Variants in CAMKMT observed in about 807,000 individuals in gnomAD.
CAMKMT encodes calmodulin-lysine N-methyltransferase.
CAMKMT carries 53 observed loss-of-function variants against 48.0 expected under a neutral mutation model. The observed-to-expected ratio is 1.10, with a 90% confidence interval of 0.89 to 1.39. CAMKMT has a LOEUF of 1.39. Among genes scored for constraint, CAMKMT ranks in the 40% most tolerant of loss-of-function variants. The pLI, the probability that CAMKMT is intolerant of heterozygous loss-of-function variation, is 0.00. For synonymous variants in CAMKMT, 165 were observed against 152.3 expected, an observed-to-expected ratio of 1.08 and a Z score of -0.61; for missense variants, 428 against 402.7, an observed-to-expected ratio of 1.06 and a Z score of -0.54.
chr2:44,720,488 T>C (rs942826649), intron 7 of CAMKMT, among the ~76,000 whole-genome samples: 1 of 152,184 alleles, frequency 6.6e-6, no homozygotes, highest in African/African-American at 2.4e-5. Context: ...AATAAAAATA[T>C]TTTTATTTTC....
intron 3 of CAMKMT, among the ~76,000 whole-genome samples, chr2:44,394,198 T>C (rs1032916160): frequency 3.3e-5 from 5 of 152,186 alleles, no homozygotes; most frequent in Non-Finnish European, 7.3e-5. Context: ...AATATCATTG[T>C]GAAGCAGGAT....
At chr2:44,731,847 C>T (rs1290360086) in intron 7 of CAMKMT, among the ~76,000 whole-genome samples, 1 of 152,200 alleles carries the variant, frequency 6.6e-6, no homozygotes, top group Non-Finnish European at 1.5e-5. Context: ...CACTGCCTTG[C>T]GTTTGAACTC....
intron 3 of CAMKMT, among the ~76,000 whole-genome samples, chr2:44,492,899 T>TC (rs1449395090): frequency 6.6e-6 from 1 of 151,126 alleles, no homozygotes; most frequent in African/African-American, 2.4e-5. Flanking sequence ...CTTTTTTTTT[T>TC]TTTTCTTTTT....
chr2:44,529,051 G>A (rs1199700159), intron 3 of CAMKMT, among the ~76,000 whole-genome samples: 3 of 152,098 alleles, frequency 2.0e-5, no homozygotes, highest in Non-Finnish European at 2.9e-5. Context: ...TCTATAAAGA[G>A]AAACTTATCA....
chr2:44,756,541 A>G (rs113495142), intron 9 of CAMKMT, among the ~76,000 whole-genome samples: 13,950 of 151,970 alleles, frequency 0.092, 756 homozygotes, highest in Non-Finnish European at 0.12. Context: ...GGAGATCGAG[A>G]CCATCCTGGC....
At chr2:44,486,844 A>G (rs1669240872) in intron 3 of CAMKMT, among the ~76,000 whole-genome samples, 1 of 152,188 alleles carries the variant, frequency 6.6e-6, no homozygotes, top group Middle Eastern at 3.2e-3. Context: ...CCTGAGAGAC[A>G]TTGTCTGTGT....
intron 3 of CAMKMT, among the ~76,000 whole-genome samples, chr2:44,552,451 C>T (rs1284136639): frequency 6.6e-6 from 1 of 152,068 alleles, no homozygotes; most frequent in African/African-American, 2.4e-5. Context: ...GAAGATTTTA[C>T]TTGGTGATCT....
intron 9 of CAMKMT, among the ~76,000 whole-genome samples, chr2:44,757,607 A>G (rs1680435829): frequency 6.9e-6 from 1 of 145,876 alleles, no homozygotes; most frequent in African/African-American, 2.6e-5. Context: ...TCTGTCACCC[A>G]GGCTGGAGTG....
chr2:44,616,791 A>T (rs928259320), intron 3 of CAMKMT, among the ~76,000 whole-genome samples: 2 of 152,234 alleles, frequency 1.3e-5, no homozygotes, highest in African/African-American at 2.4e-5. Context: ...TGATCTACAC[A>T]TATCACACAA....
intron 3 of CAMKMT, among the ~76,000 whole-genome samples, chr2:44,559,008 AACAG>A (rs1668180799): frequency 6.7e-6 from 1 of 150,082 alleles, no homozygotes; most frequent in African/African-American, 2.5e-5. Flanking sequence ...TAGATAGATA[AACAG>A]ACAGACATTA....
intron 3 of CAMKMT, among the ~76,000 whole-genome samples, chr2:44,673,078 A>AT (rs1000248598): frequency 7.2e-5 from 11 of 152,036 alleles, no homozygotes; most frequent in Admixed American, 2.0e-4. Flanking sequence ...ATTTTGTTTG[A>AT]TTTTTTTAAT....
intron 9 of CAMKMT, among the ~76,000 whole-genome samples, chr2:44,764,977 C>CT (rs1226218803): frequency 2.6e-5 from 4 of 152,068 alleles, no homozygotes; most frequent in African/African-American, 9.7e-5. Flanking sequence ...AATCCCAGCA[C>CT]TTTGGGAGGC....
intron 3 of CAMKMT, among the ~76,000 whole-genome samples, chr2:44,583,622 T>C (rs898292785): frequency 1.3e-5 from 2 of 151,672 alleles, no homozygotes; most frequent in Non-Finnish European, 2.9e-5. Context: ...CATAGGGAGA[T>C]TCTGTCTCTA....
intron 3 of CAMKMT, among the ~76,000 whole-genome samples, chr2:44,489,011 A>G (rs1669353001): frequency 6.6e-6 from 1 of 151,806 alleles, no homozygotes; most frequent in African/African-American, 2.4e-5. Flanking sequence ...GACTGCAGGT[A>G]TATACCACTA....
At chr2:44,411,696 T>C (rs995274082) in intron 3 of CAMKMT, among the ~76,000 whole-genome samples, 5 of 152,164 alleles carry the variant, frequency 3.3e-5, no homozygotes, top group Non-Finnish European at 5.9e-5. Context: ...CTCTTATGTA[T>C]TGTATCCTTT....
intron 3 of CAMKMT, among the ~76,000 whole-genome samples, chr2:44,613,913 C>G (rs1381976729): frequency 6.6e-6 from 1 of 152,088 alleles, no homozygotes; most frequent in Non-Finnish European, 1.5e-5. Context: ...GTCTAACAGT[C>G]TTAAAAACCT....
At chr2:44,409,200 G>T (rs1683021220) in intron 3 of CAMKMT, among the ~76,000 whole-genome samples, 5 of 142,166 alleles carry the variant, frequency 3.5e-5, no homozygotes, top group East Asian at 2.4e-4. Context: ...GCTACATAAA[G>T]ACAACTAGCC....
At chr2:44,542,541 TC>T in intron 3 of CAMKMT, among the ~76,000 whole-genome samples, 1 of 59,960 alleles carries the variant, frequency 1.7e-5, no homozygotes, top group South Asian at 6.3e-4. Flanking sequence ...ACACACACTC[TC>T]TCTCTCTCTC....
chr2:44,476,538 G>A (rs536027628), intron 3 of CAMKMT, among the ~76,000 whole-genome samples: 74 of 151,632 alleles, frequency 4.9e-4, no homozygotes, highest in Admixed American at 1.8e-3. Flanking sequence ...ATCTTGTCAT[G>A]TTCAGGGTTT....
Sources: gnomAD v4.1 joint callset for allele counts (sites outside exome capture counted in the v4.1 genomes callset) on GRCh38, gnomAD v4.1.1 for gene constraint, MANE v1.5 for transcripts, NCBI Gene and HGNC (gene_info 2026-07-23, HGNC 2026-07-21) for gene names.